RNF214: variants seen among roughly 807,000 people sequenced by gnomAD.
RNF214 encodes the protein ring finger protein 214.
Under a neutral mutation model 75.9 loss-of-function variants are expected in RNF214, and 25 were observed. The ratio of observed to expected loss-of-function variants is 0.33; its 90% CI spans 0.24 to 0.46. The LOEUF is 0.46. Ranked by LOEUF, RNF214 falls within the 20% of genes least tolerant of loss-of-function variation. RNF214 has a pLI of 1.00. For synonymous variants in RNF214, 314 were observed against 308.8 expected (o/e 1.02, Z -0.18); for missense variants, 725 against 857.5 (o/e 0.85, Z 1.93).
chr11:117,238,695 G>A lies in RNF214; in HGVS notation c.202G>A (p.Glu68Lys). ...GGAGAATAACAGAAATGTCCATTTG[G>A]AGCACTCAGAGCAGAATCCTGGTTC... ...TKENNRNVHL[E>K]HSEQNPGSSA... Residue 68 changes from glutamate to lysine, a missense_variant, in exon 3 of 15, where the codon GAG (glutamate) becomes AAG (lysine). By Grantham distance (56) the Glu-to-Lys change is moderately conservative. Coordinates refer to ENST00000300650, the MANE Select transcript of RNF214 (RefSeq NM_207343.4). The A allele has an allele frequency of 1.9e-6, 3 of 1,614,166 alleles. No individual in the cohort carries two copies. Among genetic ancestry groups the A allele is most frequent in the Non-Finnish European group, 2.5e-6 (3 of 1,180,024 alleles).
intron 11 of RNF214, 24 bp downstream of exon 11, chr11:117,282,294 C>G: frequency 6.3e-7 from 1 of 1,579,596 alleles, no homozygotes; most frequent in Non-Finnish European, 8.6e-7. Context: ...AGGACTGATT[C>G]AGATGTCTCT....
Position 117,282,841 on chromosome 11 carries a change from G to A in RNF214, c.1941G>A (p.Arg647=). 6.2e-7 allele frequency: 1 copy of A among 1,610,954 alleles called. No individual in the cohort carries two copies. Among genetic ancestry groups the A allele is most frequent in the Non-Finnish European group, 8.5e-7 (1 of 1,177,138 alleles). The change falls in exon 13 of 15, where the codon AGG becomes AGA. Residue 647 remains arginine (R), a synonymous_variant. Coordinates refer to ENST00000300650, the MANE Select transcript of RNF214 (RefSeq NM_207343.4). ...LPSAQVSYPG[R]SSHAPATCKL... is the part of the protein sequence containing the mutation. ...CTGCCCAAGTTTCATATCCTGGAAGGTCTTCACATGTAAGACTCTTTTTCT... is the reference window on the plus strand; with the variant it reads ...CTGCCCAAGTTTCATATCCTGGAAGATCTTCACATGTAAGACTCTTTTTCT...
chr11:117,278,735 A>C (rs961338753), intron 6 of RNF214, among the ~76,000 whole-genome samples: 3 of 152,228 alleles, frequency 2.0e-5, no homozygotes, highest in Admixed American at 2.0e-4. Context: ...GAAAACTTGA[A>C]AATTAATAAA....
chr11:117,234,128 A>C (rs1371971175), intron 1 of RNF214, 139 bp from the exon 2 acceptor site: 3 of 649,924 alleles, frequency 4.6e-6, no homozygotes, highest in Non-Finnish European at 5.5e-6. Flanking sequence ...TAGTACTCTT[A>C]AGTATTTTCT....
At chr11:117,261,684 C>T (rs917726822) in intron 6 of RNF214, among the ~76,000 whole-genome samples, 1 of 152,110 alleles carries the variant, frequency 6.6e-6, no homozygotes. Context: ...CTCCCTCTGT[C>T]GCCCAGGATG....
chr11:117,270,192 GTTCTGAGGCTTAT>G (rs1301788018), intron 6 of RNF214, among the ~76,000 whole-genome samples: 1 of 148,140 alleles, frequency 6.8e-6, no homozygotes, highest in Non-Finnish European at 1.5e-5. Flanking sequence ...ATAGACCTTG[GTTCTGAGGCTTAT>G]TTCTGAGGCT....
rs2134421683 is a variant in RNF214, at chr11:117,281,323, C to T, written c.1155C>T (p.Pro385=). ...ELHLTYLKST[P]PTLETVRSKQ... is the part of the protein sequence containing the mutation. ...GTTGGTTTCTTGAAAGGTCAACTCC[C>T]CCAACACTGGAGACAGTTCGTTCCA... Residue 385 remains proline (P), a synonymous_variant, in exon 9 of 15, where the codon CCC becomes CCT. Transcript: ENST00000300650. 6.2e-7 allele frequency: 1 copy of T among 1,612,260 alleles called. No homozygotes were observed. Among genetic ancestry groups the T allele is most frequent in the Non-Finnish European group, 8.5e-7 (1 of 1,178,616 alleles).
chr11:117,257,640 A>G (rs917227027), intron 6 of RNF214, among the ~76,000 whole-genome samples: 2 of 152,182 alleles, frequency 1.3e-5, no homozygotes, highest in African/African-American at 4.8e-5. Flanking sequence ...GAAAATAGAG[A>G]AGGGCTTAGT....
intron 6 of RNF214, among the ~76,000 whole-genome samples, chr11:117,252,023 C>A (rs1051499777): frequency 6.6e-6 from 1 of 152,128 alleles, no homozygotes; most frequent in African/African-American, 2.4e-5. Context: ...CCTGTGCCAC[C>A]ACGCCCGACT....
At chr11:117,243,397 C>T (rs2033132250) in intron 4 of RNF214, among the ~76,000 whole-genome samples, 1 of 152,276 alleles carries the variant, frequency 6.6e-6, no homozygotes, top group East Asian at 1.9e-4. Flanking sequence ...CCACCCGCCT[C>T]AGCTTCCCAA....
At chr11:117,264,175 T>G (rs1459920402) in intron 6 of RNF214, among the ~76,000 whole-genome samples, 2 of 151,824 alleles carry the variant, frequency 1.3e-5, no homozygotes, top group African/African-American at 2.4e-5. Context: ...ACAAAAAAAT[T>G]AGCCGGTCGT....
intron 8 of RNF214, among the ~76,000 whole-genome samples, chr11:117,280,889 T>C (rs898273392): frequency 1.3e-5 from 2 of 152,024 alleles, no homozygotes; most frequent in African/African-American, 4.8e-5. Flanking sequence ...AATTCGAATC[T>C]TGGGCTTCTC....
chr11:117,279,852 C>A, intron 6 of RNF214, 56 bp from the exon 7 acceptor site: 1 of 1,385,788 alleles, frequency 7.2e-7, no homozygotes, highest in South Asian at 1.3e-5. Flanking sequence ...GCCCTGGTAT[C>A]TCTCAACAAG....
At chr11:117,245,689 A>G (rs1302948516) in intron 5 of RNF214, among the ~76,000 whole-genome samples, 2 of 152,188 alleles carry the variant, frequency 1.3e-5, no homozygotes, top group Non-Finnish European at 2.9e-5. Flanking sequence ...AGATACATCC[A>G]TATGTTATGC....
At chr11:117,254,007 A>G (rs939591603) in intron 6 of RNF214, among the ~76,000 whole-genome samples, 4 of 152,146 alleles carry the variant, frequency 2.6e-5, no homozygotes, top group Non-Finnish European at 4.4e-5. Flanking sequence ...TAATCCCAGC[A>G]CTTTGGGAGG....
At chr11:117,245,482 GGC>G (rs2033194341) in intron 5 of RNF214, among the ~76,000 whole-genome samples, 1 of 151,182 alleles carries the variant, frequency 6.6e-6, no homozygotes. Flanking sequence ...TGGGACTACA[GGC>G]GCCCGCCACT....
chr11:117,273,201 T>G (rs1591838221), intron 6 of RNF214, among the ~76,000 whole-genome samples: 6 of 152,254 alleles, frequency 3.9e-5, no homozygotes, highest in African/African-American at 1.4e-4. Context: ...AGATAAGTAG[T>G]TGGAAAGCAA....
intron 14 of RNF214, 126 bp from the exon 15 acceptor site, chr11:117,284,960 A>AG (rs2034219413): frequency 6.1e-6 from 4 of 658,596 alleles, no homozygotes; most frequent in Non-Finnish European, 1.1e-5. Flanking sequence ...CAACAAAAAA[A>AG]GCCCCTCTTG....
intron 6 of RNF214, among the ~76,000 whole-genome samples, chr11:117,252,798 G>A (rs929828292): frequency 2.6e-5 from 4 of 152,112 alleles, no homozygotes; most frequent in Non-Finnish European, 2.9e-5. Context: ...GGGATTACAG[G>A]CATGAGCCGC....
Sources: allele counts gnomAD v4.1 joint callset (sites outside exome capture counted in the v4.1 genomes callset), GRCh38; gene constraint gnomAD v4.1.1; transcripts MANE v1.5; gene names NCBI Gene and HGNC (gene_info 2026-07-23, HGNC 2026-07-21).